Variants in ARB2A observed in about 807,000 individuals in gnomAD.
ARB2A encodes cotranscriptional regulator ARB2A.
chr5:93,770,452 G>A, the ARB2A span, among the ~76,000 whole-genome samples: 2 of 152,202 alleles, frequency 1.3e-5, no homozygotes, highest in East Asian at 3.9e-4. Context: ...GGAAGTTCTG[G>A]CCAGGGCAAT....
At chr5:93,799,707 A>C in the ARB2A span, among the ~76,000 whole-genome samples, 3 of 152,138 alleles carry the variant, frequency 2.0e-5, no homozygotes, top group Non-Finnish European at 2.9e-5. Flanking sequence ...AAAGCGTTGA[A>C]TATAACAAAA....
At chr5:93,942,120 A>G in the ARB2A span, among the ~76,000 whole-genome samples, 2 of 152,220 alleles carry the variant, frequency 1.3e-5, no homozygotes, top group African/African-American at 4.8e-5. Context: ...TATATCTGCC[A>G]TGATGCAACA....
At chr5:93,721,625 T>C in the ARB2A span, among the ~76,000 whole-genome samples, 3 of 152,294 alleles carry the variant, frequency 2.0e-5, no homozygotes, top group Admixed American at 6.5e-5. Flanking sequence ...TCAAATTATA[T>C]AGCTGTGTTT....
the ARB2A span, chr5:94,074,548 T>C: frequency 1.1e-6 from 1 of 891,638 alleles, no homozygotes; most frequent in Non-Finnish European, 1.7e-6. Flanking sequence ...ACTTATATTC[T>C]TATTTTAGAT....
At chr5:93,769,335 C>A in the ARB2A span, among the ~76,000 whole-genome samples, 1 of 152,248 alleles carries the variant, frequency 6.6e-6, no homozygotes, top group South Asian at 2.1e-4. Flanking sequence ...GTGGTCAGTA[C>A]ACATGTTGAA....
At chr5:93,662,489 T>C in the ARB2A span, among the ~76,000 whole-genome samples, 4 of 152,168 alleles carry the variant, frequency 2.6e-5, no homozygotes, top group Non-Finnish European at 4.4e-5. Flanking sequence ...CTTAGGAAAA[T>C]TGCCACAACT....
the ARB2A span, among the ~76,000 whole-genome samples, chr5:94,041,080 C>G: frequency 6.6e-6 from 1 of 152,024 alleles, no homozygotes; most frequent in African/African-American, 2.4e-5. Context: ...CTTCTGGCCT[C>G]TCTGTCTCTC....
the ARB2A span, chr5:93,861,308 C>CTTTTTTTTTTTTTTTTTTTTTTTT: frequency 9.2e-6 from 1 of 109,018 alleles, no homozygotes. Flanking sequence ...CTCTTTTTTT[C>CTTTTTTTTTTTTTTTTTTTTTTTT]TTTTTTTTTT....
the ARB2A span, among the ~76,000 whole-genome samples, chr5:93,905,457 A>G: frequency 1.1e-4 from 16 of 151,664 alleles, no homozygotes; most frequent in African/African-American, 3.6e-4. Flanking sequence ...TAACGTTAAT[A>G]TAAGAATAAA....
At chr5:93,708,711 C>A in the ARB2A span, among the ~76,000 whole-genome samples, 1 of 151,968 alleles carries the variant, frequency 6.6e-6, no homozygotes, top group Non-Finnish European at 1.5e-5. Flanking sequence ...TGGTCCATGG[C>A]CTCTGGGTTG....
the ARB2A span, among the ~76,000 whole-genome samples, chr5:93,980,123 T>C: frequency 6.6e-6 from 1 of 152,180 alleles, no homozygotes; most frequent in Non-Finnish European, 1.5e-5. Flanking sequence ...TCTTTCTTAG[T>C]TGCATCCCAC....
At chr5:93,652,064 T>G in the ARB2A span, among the ~76,000 whole-genome samples, 3 of 152,120 alleles carry the variant, frequency 2.0e-5, no homozygotes, top group African/African-American at 7.2e-5. Context: ...AATAGCATAT[T>G]GGTAGACACA....
At chr5:93,760,812 T>C in the ARB2A span, among the ~76,000 whole-genome samples, 2 of 152,142 alleles carry the variant, frequency 1.3e-5, no homozygotes, top group South Asian at 2.1e-4. Context: ...GAAGATAACA[T>C]TGGAAAACCC....
the ARB2A span, among the ~76,000 whole-genome samples, chr5:93,966,976 C>G: frequency 1.3e-5 from 2 of 151,772 alleles, no homozygotes; most frequent in Non-Finnish European, 2.9e-5. Flanking sequence ...CTCTGTCCAT[C>G]CTGTCTACAT....
the ARB2A span, among the ~76,000 whole-genome samples, chr5:93,899,105 T>A: frequency 6.6e-6 from 1 of 152,162 alleles, no homozygotes; most frequent in Admixed American, 6.6e-5. Flanking sequence ...GCTTTTGAAT[T>A]CTCAAGTGAC....
the ARB2A span, among the ~76,000 whole-genome samples, chr5:93,684,126 C>T: frequency 1.3e-5 from 2 of 152,158 alleles, no homozygotes; most frequent in Admixed American, 1.3e-4. Flanking sequence ...AGGACTGTGC[C>T]TGGCACATAG....
At chr5:93,737,745 TCTC>T in the ARB2A span, 2 of 319,240 alleles carry the variant, frequency 6.3e-6, no homozygotes, top group African/African-American at 4.4e-5. Context: ...AGAAAGAACA[TCTC>T]CTCAACAAAT....
chr5:93,964,393 A>C, the ARB2A span: 1 of 1,239,508 alleles, frequency 8.1e-7, no homozygotes, highest in South Asian at 1.4e-5. Flanking sequence ...TTCTGAATTA[A>C]AAACTATTTT....
the ARB2A span, among the ~76,000 whole-genome samples, chr5:94,049,420 C>T: frequency 7.2e-5 from 11 of 151,934 alleles, no homozygotes; most frequent in African/African-American, 1.4e-4. Context: ...TTTTTAGGCT[C>T]GGCGCAGTGG....
Sources: allele counts gnomAD v4.1 joint callset (sites outside exome capture counted in the v4.1 genomes callset), GRCh38; gene constraint gnomAD v4.1.1; transcripts MANE v1.5; gene names NCBI Gene and HGNC (gene_info 2026-07-23, HGNC 2026-07-21).